The following NNMT variants were observed in gnomAD, a reference collection of about 807,000 sequenced individuals.
The protein encoded by NNMT is nicotinamide N-methyltransferase.
A neutral mutation model predicts 11.7 loss-of-function variants in NNMT; 10 were observed. The observed-to-expected ratio is 0.85, with a 90% CI of 0.53 to 1.45. NNMT has a LOEUF of 1.45. Among genes scored for constraint, NNMT ranks in the 40% most tolerant of loss-of-function variants. The probability of loss-of-function intolerance (pLI) is 0.00; values close to 1 mark genes in which losing one functional copy is unlikely to be tolerated. For missense variants in NNMT, 381 were observed against 319.4 expected, an observed-to-expected ratio of 1.19 and a Z score of -1.47; for synonymous variants, 143 against 133.8, an observed-to-expected ratio of 1.07 and a Z score of -0.48.
At chr11:114,298,884 A>C (rs1003083351) in intron 2 of NNMT, among the ~76,000 whole-genome samples, 1 of 152,142 alleles carries the variant, frequency 6.6e-6, no homozygotes, top group Non-Finnish European at 1.5e-5. Context: ...CCTGCAATTC[A>C]CTGTCTTTCT....
chr11:114,277,919 A>G (rs1757082245), intron 2 of NNMT, among the ~76,000 whole-genome samples: 1 of 152,180 alleles, frequency 6.6e-6, no homozygotes, highest in Admixed American at 6.5e-5. Context: ...GCCCTTGACC[A>G]CATTCTGCCT....
At position 114,282,886 on chromosome 11, in the gene NNMT, C is replaced by T. The variant is rs118047812; in HGVS notation, c.-129-13542C>T. Among the ~76,000 whole-genome samples, 1,323 of 152,362 alleles carry T rather than the reference C, an allele frequency of 8.7e-3. 10 individuals carry two copies. The highest frequency in any genetic ancestry group is 0.014 in the Non-Finnish European group (968 of 68,038). The stretch of plus-strand genomic sequence containing the variant: ...AGCCACTGAGGTTTGAGGTCTGTTA[C>T]ATCACTTAGCTTATCTCACTGATAC... On this transcript the variant is annotated intron_variant, in intron 2 of 4. Coordinates refer to the NNMT transcript ENST00000535401.
At chr11:114,307,965 T>C (rs1417006395) in intron 2 of NNMT, among the ~76,000 whole-genome samples, 2 of 151,978 alleles carry the variant, frequency 1.3e-5, no homozygotes, top group Non-Finnish European at 2.9e-5. Flanking sequence ...TTTCCACTCC[T>C]ATGAGTGATC....
chr11:114,311,897 C>A, intron 2 of NNMT, 148 bp from the exon 3 acceptor site: 1 of 727,358 alleles, frequency 1.4e-6, no homozygotes, highest in South Asian at 2.3e-5. Flanking sequence ...AAAATGACCC[C>A]TCAGTTCTTC....
chr11:114,265,936 C>T (rs558011080), intron 2 of NNMT, among the ~76,000 whole-genome samples: 1 of 152,212 alleles, frequency 6.6e-6, no homozygotes, highest in African/African-American at 2.4e-5. Flanking sequence ...GGAAAAGCAA[C>T]ACCTTTAATC....
At chr11:114,265,779 G>C (rs1164284972) in intron 2 of NNMT, among the ~76,000 whole-genome samples, 1 of 152,050 alleles carries the variant, frequency 6.6e-6, no homozygotes, top group African/African-American at 2.4e-5. Flanking sequence ...GATTTCTTAC[G>C]CCAGTAACCC....
upstream of NNMT, among the ~76,000 whole-genome samples, chr11:114,295,486 G>T (rs189741365): frequency 7.1e-6 from 1 of 141,830 alleles, no homozygotes; most frequent in African/African-American, 2.7e-5. Context: ...GTGCAGTGGC[G>T]CCATCTTGGC....
intron 2 of NNMT, among the ~76,000 whole-genome samples, chr11:114,287,669 G>T (rs1462040528): frequency 6.6e-6 from 1 of 152,094 alleles, no homozygotes; most frequent in Non-Finnish European, 1.5e-5. Context: ...TTTATATCTG[G>T]TAGAGCAAGT....
chr11:114,306,111 AT>A (rs1465357467), intron 2 of NNMT, among the ~76,000 whole-genome samples: 1 of 152,098 alleles, frequency 6.6e-6, no homozygotes, highest in Non-Finnish European at 1.5e-5. Context: ...GATGATGAGC[AT>A]TTTTTCATGT....
intron 2 of NNMT, among the ~76,000 whole-genome samples, chr11:114,306,945 C>A (rs1945497651): frequency 1.3e-5 from 2 of 152,212 alleles, no homozygotes; most frequent in South Asian, 4.1e-4. Flanking sequence ...ATGTGTTCCA[C>A]AAACTAGTGA....
chr11:114,292,444 G>C (rs1945341552), upstream of NNMT, among the ~76,000 whole-genome samples: 1 of 152,132 alleles, frequency 6.6e-6, no homozygotes, highest in African/African-American at 2.4e-5. Flanking sequence ...GTATTTTCTA[G>C]GAGAATGCCC....
chr11:114,294,594 A>G (rs1428846714), upstream of NNMT, among the ~76,000 whole-genome samples: 3 of 152,156 alleles, frequency 2.0e-5, no homozygotes, highest in African/African-American at 4.8e-5. Flanking sequence ...AGACAAGTAT[A>G]ATTGGGTTGT....
intron 2 of NNMT, among the ~76,000 whole-genome samples, chr11:114,271,079 G>A (rs895084268): frequency 1.1e-4 from 16 of 152,004 alleles, no homozygotes; most frequent in Admixed American, 2.0e-4. Flanking sequence ...GCTCGGCTCC[G>A]AATGACCTTT....
chr11:114,258,442 G>A (rs1945048505), intron 1 of NNMT, among the ~76,000 whole-genome samples: 2 of 152,224 alleles, frequency 1.3e-5, no homozygotes, highest in South Asian at 4.1e-4. Flanking sequence ...AGGCATAAGG[G>A]AAGCCAAGGC....
chr11:114,287,954 G>A (rs1945310448), intron 2 of NNMT, among the ~76,000 whole-genome samples: 1 of 152,096 alleles, frequency 6.6e-6, no homozygotes, highest in Admixed American at 6.5e-5. Flanking sequence ...CTTATACATA[G>A]TTTGCTGGAT....
chr11:114,299,707 A>T (rs1251767644), intron 2 of NNMT, among the ~76,000 whole-genome samples: 1 of 151,520 alleles, frequency 6.6e-6, no homozygotes, highest in Non-Finnish European at 1.5e-5. Context: ...GGTTACTTGG[A>T]TTTTCCGTTT....
intron 2 of NNMT, among the ~76,000 whole-genome samples, chr11:114,273,288 G>A (rs1945186116): frequency 6.6e-6 from 1 of 152,212 alleles, no homozygotes; most frequent in African/African-American, 2.4e-5. Context: ...GCTTCTTGCT[G>A]AACAAGAGGT....
intron 2 of NNMT, among the ~76,000 whole-genome samples, chr11:114,282,274 TA>T (rs901902855): frequency 6.6e-6 from 1 of 151,836 alleles, no homozygotes; most frequent in Non-Finnish European, 1.5e-5. Flanking sequence ...ACAAAAACAA[TA>T]AAAAAATTAG....
At chr11:114,303,712 G>A (rs188869986) in intron 2 of NNMT, among the ~76,000 whole-genome samples, 253 of 152,232 alleles carry the variant, frequency 1.7e-3, no homozygotes, top group African/African-American at 5.4e-3. Context: ...GTAAGAAGTT[G>A]AGAGAGGCTA....
Sources: gnomAD v4.1 joint callset for allele counts (sites outside exome capture counted in the v4.1 genomes callset) on GRCh38, gnomAD v4.1.1 for gene constraint, MANE v1.5 for transcripts, NCBI Gene and HGNC (gene_info 2026-07-23, HGNC 2026-07-21) for gene names.